The following FAM32A variants were observed in gnomAD, a reference collection of about 807,000 sequenced individuals.
FAM32A encodes family with sequence similarity 32 member A.
A neutral mutation model predicts 15.8 loss-of-function variants in FAM32A; 9 were observed. The observed-to-expected ratio is 0.57, with a 90% confidence interval of 0.34 to 1.00. The LOEUF is 1.00. Among genes scored for constraint, FAM32A ranks in the 50% least tolerant of loss-of-function variants. The pLI, the probability that FAM32A is intolerant of heterozygous loss-of-function variation, is 0.02. For synonymous variants in FAM32A, 64 were observed against 54.9 expected, an observed-to-expected ratio of 1.16 and a Z score of -0.73; for missense variants, 113 against 138.3, an observed-to-expected ratio of 0.82 and a Z score of 0.92.
intron 2 of FAM32A, 88 bp from the exon 3 acceptor site, chr19:16,190,432 C>G (rs988210528): frequency 1.3e-5 from 11 of 863,414 alleles, no homozygotes; most frequent in African/African-American, 6.6e-5. Context: ...ATGTGAGAGC[C>G]AGTCTGGCCA....
chr19:16,186,148 G>A (rs1212456439), intron 2 of FAM32A: 1 of 225,616 alleles, frequency 4.4e-6, no homozygotes, highest in African/African-American at 2.3e-5. Context: ...TTCTAAGAGG[G>A]TTGGGAACTT....
Position 16,190,592 on chromosome 19 carries a change from TG to T in FAM32A, c.270+24del. ...AGTGGAGGTGAGTCGCCGTGTCCAG[TG>T]GGGGAGACTGAGCCATTCAGGGTCC... On this transcript the variant is annotated intron_variant, in intron 3 of 3. Coordinates refer to ENST00000263384, the MANE Select transcript of FAM32A (RefSeq NM_014077.4). 2.5e-6 allele frequency: 4 copies of T among 1,599,134 alleles called. No individual in the cohort carries two copies. The South Asian group carries it at 3.3e-5, about 13-fold the overall frequency.
At chr19:16,185,812 G>A (rs1016018416) in intron 2 of FAM32A, 47 bp downstream of exon 2, 1 of 1,535,624 alleles carries the variant, frequency 6.5e-7, no homozygotes, top group South Asian at 1.2e-5. Flanking sequence ...ACCCGGCGCC[G>A]GGAGACTGGA....
Position 16,185,417 on chromosome 19 carries a change from CAG to C in FAM32A, c.-25_-24del. ...TTTGCAAACAGGAAGTGTGGCACTC[CAG>C]CTACCGAAGCACTGGAGAGTGTCAT... On this transcript the variant is annotated 5_prime_UTR_variant, in exon 1 of 4. Coordinates refer to ENST00000263384, the MANE Select transcript of FAM32A (RefSeq NM_014077.4). The C allele has an allele frequency of 1.9e-6, 3 of 1,549,114 alleles. No individual in the cohort carries two copies. The highest frequency in any genetic ancestry group is 2.6e-6 in the Non-Finnish European group (3 of 1,144,466).
Position 16,190,593 on chromosome 19 carries a change from G to T in FAM32A, c.270+20G>T, listed in dbSNP as rs775258216. 11 of 1,599,460 alleles carry T rather than the reference G, an allele frequency of 6.9e-6. No homozygotes were observed. Among genetic ancestry groups the T allele is most frequent in the Middle Eastern group, 1.7e-4 (1 of 5,936 alleles). ...GTGGAGGTGAGTCGCCGTGTCCAGTGGGGGAGACTGAGCCATTCAGGGTCC... is the reference window on the plus strand; with the variant it reads ...GTGGAGGTGAGTCGCCGTGTCCAGTTGGGGAGACTGAGCCATTCAGGGTCC... On this transcript the variant is annotated intron_variant, in intron 3 of 3. Coordinates refer to ENST00000263384, the MANE Select transcript of FAM32A (RefSeq NM_014077.4).
Position 16,185,473 on chromosome 19 carries a change from C to A in FAM32A, c.31C>A (p.Pro11Thr). 6.4e-7 allele frequency: 1 copy of A among 1,562,976 alleles called. No individual in the cohort carries two copies. The highest frequency in any genetic ancestry group is 1.2e-5 in the South Asian group (1 of 84,822). ...GGCCTACGAGCAGGTCCAAAAGGGACCCCTGAAGCTGAAAGGCGTCGCAGA... is the reference window on the plus strand; with the variant it reads ...GGCCTACGAGCAGGTCCAAAAGGGAACCCTGAAGCTGAAAGGCGTCGCAGA... MEAYEQVQKGPLKLKGVAELG... is the reference protein window; with the variant it reads MEAYEQVQKGTLKLKGVAELG... The change falls in exon 1 of 4, where the codon CCC becomes ACC. Residue 11 changes from proline (P) to threonine (T), a missense_variant. By Grantham distance (38) the Pro-to-Thr change is conservative. Transcript: ENST00000263384.
chr19:16,188,522 G>A (rs2091394059), intron 2 of FAM32A, among the ~76,000 whole-genome samples: 1 of 152,198 alleles, frequency 6.6e-6, no homozygotes, highest in South Asian at 2.1e-4. Context: ...AGGCCGATGT[G>A]GGAAGATCAG....
intron 2 of FAM32A, among the ~76,000 whole-genome samples, chr19:16,188,226 T>C (rs562843416): frequency 5.3e-5 from 8 of 152,278 alleles, no homozygotes; most frequent in South Asian, 2.1e-4. Context: ...AGGTTTGGAA[T>C]AGGTTTTCAA....
intron 2 of FAM32A, chr19:16,187,309 A>AT (rs2091389621): frequency 6.6e-6 from 1 of 151,800 alleles, no homozygotes; most frequent in African/African-American, 2.4e-5. Context: ...AAATACAAAA[A>AT]TTAGCCGGGC....
intron 2 of FAM32A, among the ~76,000 whole-genome samples, chr19:16,188,794 A>T (rs1425803210): frequency 6.6e-6 from 1 of 152,122 alleles, no homozygotes; most frequent in African/African-American, 2.4e-5. Flanking sequence ...GACTGGACAC[A>T]GGAGGTGAGG....
Position 16,185,753 on chromosome 19 carries a change from G to T in FAM32A, c.204G>T (p.Met68Ile). Residue 68 changes from methionine to isoleucine, a missense_variant, in exon 2 of 4, where the codon ATG becomes ATT. Coordinates refer to ENST00000263384, the MANE Select transcript of FAM32A (RefSeq NM_014077.4). ...CGGCCCAGGCGGCCTTCGAGAAAAT[G>T]CAGGAGAAGCGGGTGAGCAGAAGCA... ...RTPAQAAFEK[M>I]QEKRQMERIL... The T allele has an allele frequency of 1.9e-6, 3 of 1,551,696 alleles. No homozygotes were observed. Among genetic ancestry groups the T allele is most frequent in the Non-Finnish European group, 2.6e-6 (3 of 1,147,036 alleles).
chr19:16,186,027 C>T (rs537986038), intron 2 of FAM32A, among the ~76,000 whole-genome samples: 1 of 152,178 alleles, frequency 6.6e-6, no homozygotes, highest in African/African-American at 2.4e-5. Flanking sequence ...GCTGGAGACC[C>T]GGGTTTGGAT....
In FAM32A at chr19:16,185,609, C is replaced by A; in HGVS notation, c.75-15C>A. 7 of 1,598,080 alleles carry A rather than the reference C, an allele frequency of 4.4e-6. No homozygotes were observed. The highest frequency in any genetic ancestry group is 6.0e-6 in the Non-Finnish European group (7 of 1,171,582). ...CTGATCCTCCGACCCGCCGCCTCCT[C>A]ATGTCTTTTTCCAGGAAGAAGAAAA... is the stretch of plus-strand genomic sequence containing the variant. On this transcript the variant is annotated splice_polypyrimidine_tract_variant and intron_variant, in intron 1 of 3. Coordinates refer to ENST00000263384, the MANE Select transcript of FAM32A (RefSeq NM_014077.4).
chr19:16,185,788 GGGGAGGCGGGAACACCCGGCGCC>G (rs1252858759), intron 2 of FAM32A, 23 bp downstream of exon 2: 9 of 1,543,568 alleles, frequency 5.8e-6, no homozygotes, highest in Non-Finnish European at 7.9e-6. Flanking sequence ...AGAAGGCGGC[GGGGAGGCGGGAACACCCGGCGCC>G]GGGAGACTGG....
rs543664468 is a variant in FAM32A, at chr19:16,191,131, G to A, written c.*176G>A. ...TCTGGAACTTGATTAAAGTAAGATC[G>A]TCCTTGTACTCAGTTTAGGCTTCTT... On this transcript the variant is annotated 3_prime_UTR_variant, in exon 4 of 4. Coordinates refer to ENST00000263384, the MANE Select transcript of FAM32A (RefSeq NM_014077.4). The A allele has an allele frequency of 4.8e-5, 30 of 625,360 alleles. No individual in the cohort carries two copies. Among genetic ancestry groups the A allele is most frequent in the Admixed American group, 7.2e-5 (3 of 41,620 alleles). The allele number at this position is 625,360 out of a possible 1,614,324, so 38.7% of individuals were successfully genotyped here.
Position 16,185,614 on chromosome 19 carries a change from CTT to C in FAM32A, c.75-6_75-5del. The C allele has an allele frequency of 1.9e-6, 3 of 1,599,556 alleles. No homozygotes were observed. Among genetic ancestry groups the C allele is most frequent in the South Asian group, 1.1e-5 (1 of 88,418 alleles). The stretch of plus-strand genomic sequence containing the variant: ...CCTCCGACCCGCCGCCTCCTCATGT[CTT>C]TTTCCAGGAAGAAGAAAAAGAAGGA... On this transcript the variant is annotated splice_region_variant and splice_polypyrimidine_tract_variant and intron_variant, in intron 1 of 3. Transcript: ENST00000263384.
chr19:16,189,168 G>A (rs933586677), intron 2 of FAM32A, among the ~76,000 whole-genome samples: 11 of 151,862 alleles, frequency 7.2e-5, no homozygotes, highest in African/African-American at 2.2e-4. Flanking sequence ...GACTACAGGC[G>A]CATGCCACCA....
intron 2 of FAM32A, among the ~76,000 whole-genome samples, chr19:16,186,953 G>A (rs905047904): frequency 6.6e-6 from 1 of 152,228 alleles, no homozygotes; most frequent in African/African-American, 2.4e-5. Context: ...CCAAATGTCA[G>A]TAGCACTGAG....
At chr19:16,190,402 G>A (rs1429304792) in intron 2 of FAM32A, 118 bp from the exon 3 acceptor site, 12 of 686,536 alleles carry the variant, frequency 1.7e-5, no homozygotes, top group Non-Finnish European at 3.1e-5. Flanking sequence ...CACAGAGCCT[G>A]AAACCTCCAG....
Sources: gnomAD v4.1 joint callset for allele counts (sites outside exome capture counted in the v4.1 genomes callset) on GRCh38, gnomAD v4.1.1 for gene constraint, MANE v1.5 for transcripts, NCBI Gene and HGNC (gene_info 2026-07-23, HGNC 2026-07-21) for gene names.